DYTN: variants seen among roughly 807,000 people sequenced by gnomAD.
The protein encoded by DYTN is dystrotelin.
A neutral mutation model predicts 69.6 loss-of-function variants in DYTN; 75 were observed. The observed-to-expected ratio is 1.08, with a 90% CI of 0.89 to 1.31. DYTN has a LOEUF of 1.31. DYTN is among the 50% of genes most tolerant of loss of function. The pLI is 0.00. For synonymous variants in DYTN, 252 were observed against 249.1 expected (o/e 1.01, Z -0.11); for missense variants, 726 against 688.4 (o/e 1.05, Z -0.61).
chr2:206,682,257 T>G (rs1484275206), intron 9 of DYTN, among the ~76,000 whole-genome samples: 1 of 152,160 alleles, frequency 6.6e-6, no homozygotes, highest in Admixed American at 6.5e-5. Context: ...GTCTTTTGAT[T>G]CTTCTTTCTT....
chr2:206,655,769 T>C (rs531300949), intron 11 of DYTN, among the ~76,000 whole-genome samples: 2 of 152,098 alleles, frequency 1.3e-5, no homozygotes, highest in South Asian at 4.1e-4. Context: ...ATGTGTTGTG[T>C]AGTTTAACAT....
Position 206,704,864 on chromosome 2 carries a change from T to C in DYTN, c.462A>G (p.Lys154=), listed in dbSNP as rs1046665765. Residue 154 remains lysine (K), a synonymous_variant, in exon 5 of 12, where the codon AAA becomes AAG. Coordinates refer to ENST00000452335, the MANE Select transcript of DYTN (RefSeq NM_001093730.1). ...GPRMTRRVLR[K]LLTDLQQIPT... ...TTACCTGCTGTAGATCTGTTAGTAG[T>C]TTTCTCAAAACCCTTCGAGTCATGC... 6 of 1,613,558 alleles carry C rather than the reference T, an allele frequency of 3.7e-6. No homozygotes were observed. Among genetic ancestry groups the C allele is most frequent in the Non-Finnish European group, 5.1e-6 (6 of 1,179,778 alleles).
chr2:206,665,976 G>C lies in DYTN; in HGVS notation c.1034C>G (p.Thr345Ser). The C allele has an allele frequency of 6.2e-7, 1 of 1,613,932 alleles. No individual in the cohort carries two copies. Among genetic ancestry groups the C allele is most frequent in the Non-Finnish European group, 8.5e-7 (1 of 1,179,866 alleles). ...TCGACAAATTCTTTCTTCCTGGGAG[G>C]TGTATATAGCTTGCAACTTGTCTTT... is the stretch of plus-strand genomic sequence containing the variant. ...QYKDKLQAIYTSQEERICRFE... is the reference protein window; with the variant it reads ...QYKDKLQAIYSSQEERICRFE... Residue 345 changes from threonine to serine, a missense_variant, in exon 10 of 12, where the codon ACC becomes AGC. By Grantham distance (58) the Thr-to-Ser change is moderately conservative (BLOSUM62 1). Coordinates refer to ENST00000452335, the MANE Select transcript of DYTN (RefSeq NM_001093730.1).
intron 1 of DYTN, 131 bp from the exon 2 acceptor site, chr2:206,710,729 C>CTT: frequency 8.2e-6 from 5 of 612,420 alleles, no homozygotes; most frequent in African/African-American, 3.8e-5. Flanking sequence ...GTTTAGAGCT[C>CTT]TTTTTTTTTC....
chr2:206,665,830 C>T, intron 10 of DYTN, 40 bp downstream of exon 10: 1 of 1,602,136 alleles, frequency 6.2e-7, no homozygotes, highest in Non-Finnish European at 8.5e-7. Context: ...GGTTAGACTT[C>T]CAGGCAGTCC....
chr2:206,678,271 A>T (rs1699711953), intron 9 of DYTN, among the ~76,000 whole-genome samples: 1 of 152,244 alleles, frequency 6.6e-6, no homozygotes, highest in African/African-American at 2.4e-5. Flanking sequence ...TATTCCAGTG[A>T]TAAAATTATC....
At chr2:206,706,025 T>C (rs993915797) in intron 3 of DYTN, among the ~76,000 whole-genome samples, 152 bp from the exon 4 acceptor site, 2 of 152,252 alleles carry the variant, frequency 1.3e-5, no homozygotes, top group Non-Finnish European at 2.9e-5. Context: ...ACCTAGAATT[T>C]AGCAGAACAG....
intron 11 of DYTN, among the ~76,000 whole-genome samples, chr2:206,658,753 A>C (rs574893820): frequency 6.6e-6 from 1 of 152,216 alleles, no homozygotes; most frequent in Non-Finnish European, 1.5e-5. Flanking sequence ...AAAAGCTATG[A>C]TAAGTGTTTT....
intron 5 of DYTN, among the ~76,000 whole-genome samples, chr2:206,700,445 A>G (rs991959325): frequency 2.0e-5 from 3 of 152,186 alleles, no homozygotes; most frequent in Admixed American, 6.5e-5. Context: ...GAGGAGGGGA[A>G]GGGAAGGAAG....
intron 9 of DYTN, among the ~76,000 whole-genome samples, chr2:206,684,477 A>C (rs971624742): frequency 6.6e-6 from 1 of 151,778 alleles, no homozygotes; most frequent in African/African-American, 2.4e-5. Context: ...GCTAATTTTA[A>C]AATTATTTGT....
intron 11 of DYTN, among the ~76,000 whole-genome samples, chr2:206,659,151 G>C (rs1036827532): frequency 2.9e-5 from 4 of 138,706 alleles, no homozygotes; most frequent in Non-Finnish European, 6.2e-5. Context: ...TTTCCGTTAA[G>C]TTCTCACAGT....
At position 206,689,009 on chromosome 2, in the gene DYTN, T is replaced by C. The variant is rs1007576856; in HGVS notation, c.980+4166A>G. On this transcript the variant is annotated intron_variant, in intron 9 of 11. Transcript: ENST00000452335. ...GTAATTTTTGCTAGTTACTTGGGGTTTCTTAGTAATTCACAATTAAATTAG... is the reference window on the plus strand; with the variant it reads ...GTAATTTTTGCTAGTTACTTGGGGTCTCTTAGTAATTCACAATTAAATTAG... Among the ~76,000 whole-genome samples the C allele has an allele frequency of 3.3e-5, 5 of 152,214 alleles. No individual in the cohort carries two copies. The East Asian group carries it at 7.7e-4, about 23-fold the overall frequency.
chr2:206,694,937 AAG>A, intron 7 of DYTN, 60 bp from the exon 8 acceptor site: 2 of 1,274,206 alleles, frequency 1.6e-6, no homozygotes, highest in Non-Finnish European at 2.1e-6. Context: ...AAAAAAAAAA[AAG>A]AATATCCAGG....
intron 7 of DYTN, among the ~76,000 whole-genome samples, chr2:206,698,340 T>C (rs1167590365): frequency 1.3e-5 from 2 of 152,142 alleles, no homozygotes; most frequent in African/African-American, 4.8e-5. Context: ...GATCTCCAGT[T>C]TTTCGGTGTA....
chr2:206,667,116 C>G (rs1699581878), intron 9 of DYTN, among the ~76,000 whole-genome samples: 1 of 152,168 alleles, frequency 6.6e-6, no homozygotes. Flanking sequence ...CTATGTTGCT[C>G]TTCTGCTCAG....
chr2:206,675,115 A>ATATGTGTGTGTGTGTGTGTGTG (rs1553573104), intron 9 of DYTN, among the ~76,000 whole-genome samples: 4 of 131,534 alleles, frequency 3.0e-5, no homozygotes, highest in African/African-American at 1.2e-4. Context: ...ATATATATAT[A>ATATGTGTGTGTGTGTGTGTGTG]TGTGTGTGTG....
At chr2:206,661,547 CTCT>C (rs2105887704) in intron 11 of DYTN, among the ~76,000 whole-genome samples, 1 of 152,284 alleles carries the variant, frequency 6.6e-6, no homozygotes, top group South Asian at 2.1e-4. Context: ...CTCCTCCTCC[CTCT>C]TCTTCTCCTC....
intron 7 of DYTN, among the ~76,000 whole-genome samples, chr2:206,697,436 T>C (rs1475675507): frequency 6.6e-6 from 1 of 152,204 alleles, no homozygotes; most frequent in East Asian, 1.9e-4. Flanking sequence ...GTCCTCTTCC[T>C]GCTACCTGCA....
intron 9 of DYTN, among the ~76,000 whole-genome samples, chr2:206,680,079 A>G (rs1699734272): frequency 6.6e-6 from 1 of 152,208 alleles, no homozygotes; most frequent in Non-Finnish European, 1.5e-5. Context: ...ACTGCTGTGA[A>G]GAAATACCCG....
Sources: allele counts gnomAD v4.1 joint callset (sites outside exome capture counted in the v4.1 genomes callset), GRCh38; gene constraint gnomAD v4.1.1; transcripts MANE v1.5; gene names NCBI Gene and HGNC (gene_info 2026-07-23, HGNC 2026-07-21).